Variants in ZNF165 observed in about 807,000 individuals in gnomAD.
ZNF165 encodes the protein cancer/testis antigen 53.
A neutral mutation model predicts 19.6 loss-of-function variants in ZNF165; 14 were observed. The observed-to-expected ratio is 0.71, with a 90% confidence interval of 0.47 to 1.12. The LOEUF (loss-of-function observed/expected upper bound fraction) is 1.12, where lower values mean the gene tolerates loss of function less well. ZNF165 is among the 50% of genes most tolerant of loss of function. The pLI is 0.00. For synonymous variants in ZNF165, 165 were observed against 195.0 expected (o/e 0.85, Z 1.28); for missense variants, 504 against 566.3 (o/e 0.89, Z 1.12).
In ZNF165 at chr6:28,089,055, A is replaced by G. The variant is rs1403573975; in HGVS notation, c.1043A>G (p.Glu348Gly). 2 of 1,614,098 alleles carry G rather than the reference A, an allele frequency of 1.2e-6. No homozygotes were observed. Among genetic ancestry groups the G allele is most frequent in the African/African-American group, 2.7e-5 (2 of 74,952 alleles). ...FSGDKTHQCN[E>G]CGKAFRHSSK... ...GGAGATAAAACTCATCAGTGTAATG[A>G]ATGTGGGAAAGCTTTCAGGCACAGC... Residue 348 changes from glutamate to glycine, a missense_variant, in exon 4 of 4, where the codon GAA becomes GGA. Glu to Gly is a moderately conservative substitution (Grantham distance 98, BLOSUM62 -2). Transcript: ENST00000683778.
chr6:28,082,679 A>G (rs1379973321), intron 1 of ZNF165, among the ~76,000 whole-genome samples: 1 of 152,250 alleles, frequency 6.6e-6, no homozygotes, highest in Non-Finnish European at 1.5e-5. Flanking sequence ...CAAGGCCATC[A>G]TGAGCATGTC....
chr6:28,082,587 C>T (rs1349542557), intron 1 of ZNF165, among the ~76,000 whole-genome samples: 2 of 152,266 alleles, frequency 1.3e-5, no homozygotes, highest in African/African-American at 2.4e-5. Context: ...ACAGATCGCT[C>T]ATGCTATTGT....
intron 3 of ZNF165, among the ~76,000 whole-genome samples, chr6:28,088,072 C>A (rs1371594029): frequency 6.6e-6 from 1 of 152,196 alleles, no homozygotes; most frequent in Non-Finnish European, 1.5e-5. Flanking sequence ...ACTGATTAAC[C>A]ATGGAATATG....
rs1018902772 is a variant in ZNF165 at position 28,088,703 on chromosome 6, G to A, written c.691G>A (p.Gly231Ser). The change falls in exon 4 of 4, where the codon GGC becomes AGC. Residue 231 changes from glycine to serine, a missense_variant. Gly to Ser is a moderately conservative substitution (Grantham distance 56). Coordinates refer to ENST00000683778, the MANE Select transcript of ZNF165 (RefSeq NM_001376491.1). ...GTCTCAAGACATCTGTAAGTCTGCAGGCAGGGTAAAGAGACAATGGGAAAA... is the reference window on the plus strand; with the variant it reads ...GTCTCAAGACATCTGTAAGTCTGCAAGCAGGGTAAAGAGACAATGGGAAAA... ...GESQDICKSA[G>S]RVKRQWEKES... The A allele has an allele frequency of 1.2e-6, 2 of 1,614,148 alleles. No individual in the cohort carries two copies. Among genetic ancestry groups the A allele is most frequent in the Non-Finnish European group, 1.7e-6 (2 of 1,180,022 alleles).
chr6:28,083,271 T>G (rs997612465), intron 1 of ZNF165, among the ~76,000 whole-genome samples: 4 of 152,214 alleles, frequency 2.6e-5, no homozygotes, highest in Admixed American at 2.6e-4. Flanking sequence ...AGTTCTAAAT[T>G]TCTCTTCAAA....
chr6:28,089,112 C>G lies in ZNF165; in HGVS notation c.1100C>G (p.Thr367Ser), dbSNP rs777860062. Residue 367 changes from threonine to serine, a missense_variant, in exon 4 of 4, where the codon ACT (threonine) becomes AGT (serine). Coordinates refer to ENST00000683778, the MANE Select transcript of ZNF165 (RefSeq NM_001376491.1). Reference protein sequence around the residue: ...SKLARHQRIHTGERCYECNEC... With the variant: ...SKLARHQRIHSGERCYECNEC... ...CTTGCTAGGCATCAGAGAATCCACA[C>G]TGGAGAGAGATGCTATGAATGTAAT... The G allele has an allele frequency of 1.9e-6, 3 of 1,614,058 alleles. No individual in the cohort carries two copies. The highest frequency in any genetic ancestry group is 2.7e-5 in the African/African-American group (2 of 74,938).
chr6:28,086,816 G>C (rs1385230685), intron 3 of ZNF165, among the ~76,000 whole-genome samples: 1 of 151,972 alleles, frequency 6.6e-6, no homozygotes, highest in Admixed American at 6.6e-5. Context: ...CCAAAACACA[G>C]AACATTTTTA....
At position 28,085,600 on chromosome 6, in the gene ZNF165, T is replaced by A. The variant is rs763108190; in HGVS notation, c.120T>A (p.Ser40Arg). The stretch of plus-strand genomic sequence containing the variant: ...GGCAGGACACTTGCTTACAGAGAAG[T>A]GAACTCCTTAAGCAGGAGCTCTGCA... ...IHGQDTCLQR[S>R]ELLKQELCRQ... The change falls in exon 2 of 4, where the codon AGT (serine) becomes AGA (arginine). Residue 40 changes from serine (S) to arginine (R), a missense_variant. Physicochemically the swap from Ser to Arg is moderately radical, Grantham distance 110. Transcript: ENST00000683778. The A allele has an allele frequency of 3.1e-6, 5 of 1,614,110 alleles. No homozygotes were observed. The highest frequency in any genetic ancestry group is 3.3e-5 in the Admixed American group (2 of 59,998).
intron 3 of ZNF165, among the ~76,000 whole-genome samples, chr6:28,088,096 C>A (rs567791851): frequency 1.4e-4 from 22 of 152,282 alleles, no homozygotes; most frequent in Non-Finnish European, 2.8e-4. Flanking sequence ...AAGAAATAGA[C>A]AATAGGTGGA....
intron 3 of ZNF165, among the ~76,000 whole-genome samples, chr6:28,087,196 T>C (rs370378521): frequency 3.3e-5 from 5 of 152,214 alleles, no homozygotes; most frequent in African/African-American, 7.2e-5. Flanking sequence ...ATTGTCCCTA[T>C]AGTAAACCCA....
At chr6:28,084,366 C>A (rs1197774184) in intron 1 of ZNF165, among the ~76,000 whole-genome samples, 2 of 152,124 alleles carry the variant, frequency 1.3e-5, no homozygotes, top group Non-Finnish European at 2.9e-5. Context: ...AGTAAAAGAA[C>A]CTCAGGCCGG....
rs919698093 is a variant in ZNF165, at chr6:28,086,641, G to A, written c.550+331G>A. 6.6e-5 allele frequency among the ~76,000 whole-genome samples: 10 copies of A among 152,218 alleles called. 1 individual carries two copies. The South Asian group carries it at 1.0e-3, about 16-fold the overall frequency. On this transcript the variant is annotated intron_variant, in intron 3 of 3. Coordinates refer to ENST00000683778, the MANE Select transcript of ZNF165 (RefSeq NM_001376491.1). ...GGAGAATGGCGTGAACCTGGGAGGC[G>A]GAGCTTGCAGTGAGCTGAGACTGCG...
intron 1 of ZNF165, among the ~76,000 whole-genome samples, chr6:28,082,588 A>C (rs562154808): frequency 6.6e-6 from 1 of 152,274 alleles, no homozygotes; most frequent in Non-Finnish European, 1.5e-5. Context: ...CAGATCGCTC[A>C]TGCTATTGTT....
Position 28,089,232 on chromosome 6 carries a change from G to C in ZNF165, c.1220G>C (p.Arg407Thr), listed in dbSNP as rs1764374412. Residue 407 changes from arginine to threonine, a missense_variant, in exon 4 of 4, where the codon AGA becomes ACA. Transcript: ENST00000683778. The part of the protein sequence containing the change: ...ERPFGCKECG[R>T]AFNLNSHLIR... ...CCCTTTGGTTGCAAAGAATGTGGGA[G>C]AGCATTCAACCTGAACTCACATCTT... The C allele has an allele frequency of 1.9e-6, 3 of 1,614,162 alleles. No individual in the cohort carries two copies. The South Asian group carries it at 3.3e-5, about 18-fold the overall frequency.
chr6:28,086,577 G>A (rs370020611), intron 3 of ZNF165, among the ~76,000 whole-genome samples: 137 of 152,178 alleles, frequency 9.0e-4, no homozygotes, highest in African/African-American at 3.1e-3. Context: ...AAAATTAGCC[G>A]TAGCACCTGT....
In ZNF165 at chr6:28,089,528, T is replaced by G. The variant is rs929681138; in HGVS notation, c.*58T>G. 2 of 1,439,026 alleles carry G rather than the reference T, an allele frequency of 1.4e-6. No homozygotes were observed. The highest frequency in any genetic ancestry group is 2.9e-5 in the African/African-American group (2 of 69,296). 89.1% of individuals were successfully genotyped at this position (1,439,026 alleles called of 1,614,324 possible). A position where few individuals can be genotyped will look rare whatever the true frequency, so the allele number is the denominator to read the frequency against. The stretch of plus-strand genomic sequence containing the variant: ...ATGGCACAATATGAAAAATATTAAA[T>G]AAAAAATAAATATTGGGCAAGATGG... On this transcript the variant is annotated 3_prime_UTR_variant, in exon 4 of 4. Coordinates refer to ENST00000683778, the MANE Select transcript of ZNF165 (RefSeq NM_001376491.1).
At position 28,088,992 on chromosome 6, in the gene ZNF165, A is replaced by G. The variant is rs1764364289; in HGVS notation, c.980A>G (p.Lys327Arg). The change falls in exon 4 of 4, where the codon AAG (lysine) becomes AGG (arginine). Residue 327 changes from lysine (K) to arginine (R), a missense_variant. By Grantham distance (26) the Lys-to-Arg change is conservative. Transcript: ENST00000683778. ...EKNHQYGKSF[K>R]SPKLAKHAAV... ...AATCACCAATATGGAAAATCTTTCA[A>G]GAGCCCAAAACTTGCTAAACATGCA... is the stretch of plus-strand genomic sequence containing the variant. 7 of 1,614,128 alleles carry G rather than the reference A, an allele frequency of 4.3e-6. No individual in the cohort carries two copies. Among genetic ancestry groups the G allele is most frequent in the Non-Finnish European group, 5.9e-6 (7 of 1,180,054 alleles).
intron 1 of ZNF165, among the ~76,000 whole-genome samples, chr6:28,083,512 C>T (rs913545323): frequency 6.6e-6 from 1 of 152,182 alleles, no homozygotes. Flanking sequence ...CTGCTCACCC[C>T]GCCACTGTGG....
chr6:28,087,411 AAT>A (rs1443535356), intron 3 of ZNF165, among the ~76,000 whole-genome samples: 1 of 151,936 alleles, frequency 6.6e-6, no homozygotes, highest in Non-Finnish European at 1.5e-5. Flanking sequence ...ATGCCCGGCT[AAT>A]TTTTGTATTT....
Sources: allele counts gnomAD v4.1 joint callset (sites outside exome capture counted in the v4.1 genomes callset), GRCh38; gene constraint gnomAD v4.1.1; transcripts MANE v1.5; gene names NCBI Gene and HGNC (gene_info 2026-07-23, HGNC 2026-07-21).